Variants in LPCAT1 observed in about 807,000 individuals in gnomAD.
LPCAT1 encodes lysophosphatidylcholine acyltransferase 1, also known as 1-acylglycerol-3-phosphate O-acyltransferase.
A neutral mutation model predicts 60.9 loss-of-function variants in LPCAT1; 23 were observed. The observed-to-expected ratio is 0.38, with a 90% confidence interval of 0.27 to 0.53. The LOEUF (loss-of-function observed/expected upper bound fraction) is 0.53. Ranked by LOEUF, LPCAT1 falls within the 20% of genes least tolerant of loss-of-function variation. The pLI is 0.82. For synonymous variants in LPCAT1, 340 were observed against 301.1 expected, an observed-to-expected ratio of 1.13 and a Z score of -1.34; for missense variants, 622 against 723.6, an observed-to-expected ratio of 0.86 and a Z score of 1.61.
At chr5:1,501,681 A>AG in intron 1 of LPCAT1, 78 bp from the exon 2 acceptor site, 1 of 1,445,636 alleles carries the variant, frequency 6.9e-7, no homozygotes, top group Non-Finnish European at 9.7e-7. Flanking sequence ...AGGCTAGCCC[A>AG]GGGGGACAGC....
At chr5:1,520,249 C>G (rs945103059) in intron 1 of LPCAT1, among the ~76,000 whole-genome samples, 3 of 152,240 alleles carry the variant, frequency 2.0e-5, no homozygotes, top group African/African-American at 7.2e-5. Context: ...AGGGCGGAGT[C>G]CTGCTCCTGA....
chr5:1,473,963 G>C lies in LPCAT1; in HGVS notation c.1173C>G (p.Phe391Leu), dbSNP rs762450253. ...CGCAGGCGACAGGCCCTACCTCGTC[G>C]AACAGTGAAAACATGTCTTCCAGCA... ...SDLLEDMFSLFDESGSGEVDL... is the reference protein window; with the variant it reads ...SDLLEDMFSLLDESGSGEVDL... The change falls in exon 11 of 14, where the codon TTC (phenylalanine) becomes TTG (leucine). Residue 391 changes from phenylalanine to leucine, a missense_variant. Physicochemically the swap from Phe to Leu is conservative, Grantham distance 22. This residue lies in a region of LPCAT1 where 288 missense variants were observed against 283.6 expected (regional missense o/e 1.02). Transcript: ENST00000283415. 1.9e-6 allele frequency: 3 copies of C among 1,614,086 alleles called. No homozygotes were observed. The highest frequency in any genetic ancestry group is 2.5e-6 in the Non-Finnish European group (3 of 1,179,996).
rs772669639 is a variant in LPCAT1 at position 1,494,852 on chromosome 5, C to T, written c.341G>A (p.Arg114Gln). The change falls in exon 3 of 14, where the codon CGG (arginine) becomes CAG (glutamine). Residue 114 changes from arginine to glutamine, a missense_variant. By Grantham distance (43) the Arg-to-Gln change is conservative (BLOSUM62 1). This residue lies in a region of LPCAT1 where 209 missense variants were observed against 325.5 expected (regional missense o/e 0.64). Transcript: ENST00000283415. ...CGCCTGCCGCCCCTTCACGGCCACC[C>T]GGTGGAAGCCGCCGGCGAACCACAT... ...RTMWFAGGFH[R>Q]VAVKGRQALP... The T allele has an allele frequency of 1.2e-5, 19 of 1,612,898 alleles. No homozygotes were observed. The Admixed American group carries it at 1.7e-4, about 14-fold the overall frequency.
chr5:1,509,177 G>A (rs943940075), intron 1 of LPCAT1, among the ~76,000 whole-genome samples: 4 of 152,266 alleles, frequency 2.6e-5, no homozygotes, highest in African/African-American at 4.8e-5. Context: ...CTCGAAGGCC[G>A]CGAGGCCGCG....
chr5:1,508,065 T>C (rs1387345835), intron 1 of LPCAT1, among the ~76,000 whole-genome samples: 2 of 152,184 alleles, frequency 1.3e-5, no homozygotes, highest in Non-Finnish European at 2.9e-5. Context: ...GAGGGGGTCC[T>C]TGGCAGACAC....
At chr5:1,497,042 G>A (rs1735819549) in intron 2 of LPCAT1, among the ~76,000 whole-genome samples, 2 of 152,238 alleles carry the variant, frequency 1.3e-5, no homozygotes, top group Admixed American at 1.3e-4. Flanking sequence ...TGTGAGCAGA[G>A]CAGCTGCATG....
At chr5:1,517,932 G>A (rs1736555161) in intron 1 of LPCAT1, among the ~76,000 whole-genome samples, 1 of 152,276 alleles carries the variant, frequency 6.6e-6, no homozygotes, top group Non-Finnish European at 1.5e-5. Flanking sequence ...CATCCGGAAT[G>A]CATTCTGAAC....
chr5:1,519,820 T>C (rs1382898952), intron 1 of LPCAT1, among the ~76,000 whole-genome samples: 3 of 152,254 alleles, frequency 2.0e-5, no homozygotes, highest in African/African-American at 7.2e-5. Flanking sequence ...CCAAGGCCTC[T>C]GAGGCATCCA....
At chr5:1,511,365 C>T (rs936039336) in intron 1 of LPCAT1, among the ~76,000 whole-genome samples, 1 of 152,104 alleles carries the variant, frequency 6.6e-6, no homozygotes, top group Non-Finnish European at 1.5e-5. Flanking sequence ...GCACGCCTCG[C>T]TCACCCTACG....
intron 1 of LPCAT1, among the ~76,000 whole-genome samples, chr5:1,505,318 G>A (rs1402311238): frequency 3.9e-5 from 6 of 151,992 alleles, no homozygotes; most frequent in South Asian, 4.1e-4. Context: ...CACAGAGTGC[G>A]GAATAAAATC....
At chr5:1,505,433 C>T (rs368264546) in intron 1 of LPCAT1, among the ~76,000 whole-genome samples, 6 of 152,400 alleles carry the variant, frequency 3.9e-5, no homozygotes, top group South Asian at 4.1e-4. Context: ...GAAACAGCAC[C>T]GACTGCCAGG....
At chr5:1,494,562 A>G in intron 3 of LPCAT1, 138 bp downstream of exon 3, 2 of 754,410 alleles carry the variant, frequency 2.7e-6, no homozygotes, top group Admixed American at 2.4e-5. Flanking sequence ...CCAGCAACAG[A>G]GGGGGTCTCA....
intron 5 of LPCAT1, among the ~76,000 whole-genome samples, chr5:1,486,527 G>A (rs1459754252): frequency 6.6e-6 from 1 of 152,180 alleles, no homozygotes; most frequent in African/African-American, 2.4e-5. Flanking sequence ...GATGAAAGGT[G>A]GAGGGAGGGT....
chr5:1,494,845 G>C lies in LPCAT1; in HGVS notation c.348C>G (p.Ala116=), dbSNP rs143907399. 1 of 1,613,414 alleles carries C rather than the reference G, an allele frequency of 6.2e-7. No individual in the cohort carries two copies. Among genetic ancestry groups the C allele is most frequent in the East Asian group, 2.2e-5 (1 of 44,862 alleles). ...TGGGCAGCGCCTGCCGCCCCTTCAC[G>C]GCCACCCGGTGGAAGCCGCCGGCGA... ...MWFAGGFHRV[A]VKGRQALPTE... is the part of the protein sequence containing the mutation. Residue 116 remains alanine (A), a synonymous_variant, in exon 3 of 14, where the codon GCC becomes GCG. Transcript: ENST00000283415.
intron 1 of LPCAT1, among the ~76,000 whole-genome samples, chr5:1,507,172 C>T (rs1223028310): frequency 3.3e-5 from 5 of 152,142 alleles, no homozygotes; most frequent in Non-Finnish European, 5.9e-5. Flanking sequence ...GGCCTCCACG[C>T]GGCAGCCAAC....
intron 1 of LPCAT1, among the ~76,000 whole-genome samples, chr5:1,517,874 G>GGGGGACGA (rs1560997136): frequency 6.6e-6 from 1 of 152,248 alleles, no homozygotes; most frequent in African/African-American, 2.4e-5. Flanking sequence ...CTCCCCACAC[G>GGGGGACGA]GGGGACGAGG....
At chr5:1,491,964 AC>A (rs1735599246) in intron 3 of LPCAT1, among the ~76,000 whole-genome samples, 1 of 152,178 alleles carries the variant, frequency 6.6e-6, no homozygotes. Flanking sequence ...ACAAGCTGGG[AC>A]CGGGGAGATG....
intron 1 of LPCAT1, among the ~76,000 whole-genome samples, chr5:1,515,101 C>A (rs954644090): frequency 6.6e-6 from 1 of 150,688 alleles, no homozygotes. Flanking sequence ...GATCCTGCTA[C>A]AAGAAAGAGT....
intron 6 of LPCAT1, among the ~76,000 whole-genome samples, chr5:1,482,287 G>A (rs1398343088): frequency 6.6e-6 from 1 of 151,040 alleles, no homozygotes. Flanking sequence ...GTGAGGCAAG[G>A]TCGCCTAAGT....
Sources: gnomAD v4.1 joint callset for allele counts (sites outside exome capture counted in the v4.1 genomes callset) on GRCh38, gnomAD v4.1.1 for gene constraint, gnomAD v4.1.1 regional missense constraint, MANE v1.5 for transcripts, NCBI Gene and HGNC (gene_info 2026-07-23, HGNC 2026-07-21) for gene names.